PTPRT: variants seen among roughly 807,000 people sequenced by gnomAD.
PTPRT encodes protein tyrosine phosphatase receptor type T.
Under a neutral mutation model 176.8 loss-of-function variants are expected in PTPRT, and 56 were observed. The observed-to-expected ratio is 0.32, with a 90% CI of 0.26 to 0.40. PTPRT has a LOEUF of 0.40. Among genes scored for constraint, PTPRT ranks in the 10% least tolerant of loss-of-function variants. The pLI, the probability that PTPRT is intolerant of heterozygous loss-of-function variation, is 1.00. For synonymous variants in PTPRT, 783 were observed against 739.0 expected (o/e 1.06, Z -0.96); for missense variants, 1,540 against 1,908.2 (o/e 0.81, Z 3.60).
chr20:43,071,282 T>C (rs1273823096), intron 1 of PTPRT, among the ~76,000 whole-genome samples: 2 of 152,112 alleles, frequency 1.3e-5, no homozygotes, highest in Non-Finnish European at 2.9e-5. Flanking sequence ...CTGGGGCTCG[T>C]TAGATATGCA....
At chr20:42,922,622 A>G (rs1256072413) in intron 1 of PTPRT, among the ~76,000 whole-genome samples, 4 of 152,064 alleles carry the variant, frequency 2.6e-5, no homozygotes, top group Admixed American at 2.0e-4. Context: ...CACCACTAAC[A>G]GTTACTTCAT....
intron 1 of PTPRT, among the ~76,000 whole-genome samples, chr20:43,078,437 T>G (rs944928562): frequency 3.3e-5 from 5 of 152,172 alleles, no homozygotes; most frequent in Admixed American, 1.3e-4. Flanking sequence ...TTTTTTTCTC[T>G]AATATTTCTC....
intron 16 of PTPRT, among the ~76,000 whole-genome samples, chr20:42,177,003 TG>T (rs1406142766): frequency 2.0e-5 from 3 of 152,234 alleles, no homozygotes; most frequent in Non-Finnish European, 4.4e-5. Context: ...GAACACAGTT[TG>T]GGAGTTACAA....
Position 42,870,536 on chromosome 20 carries a change from G to T in PTPRT, c.214+15271C>A, listed in dbSNP as rs186741958. On this transcript the variant is annotated intron_variant, in intron 2 of 30. Coordinates refer to ENST00000373187, the MANE Select transcript of PTPRT (RefSeq NM_007050.6). ...ATATACTGTCACGTGCAGCATAATG[G>T]TGTTTCCGTCAATGACGGACTGCAC... 1.6e-4 allele frequency among the ~76,000 whole-genome samples: 24 copies of T among 152,302 alleles called. No individual in the cohort carries two copies. In the East Asian group the frequency reaches 4.6e-3, roughly 29 times the overall value.
chr20:42,675,328 C>T (rs942559001), intron 7 of PTPRT, among the ~76,000 whole-genome samples: 2 of 152,314 alleles, frequency 1.3e-5, no homozygotes, highest in Middle Eastern at 3.4e-3. Context: ...GAATATTTGC[C>T]TATACCTAAT....
At chr20:42,596,120 G>C (rs1282726116) in intron 7 of PTPRT, among the ~76,000 whole-genome samples, 1 of 152,092 alleles carries the variant, frequency 6.6e-6, no homozygotes, top group Non-Finnish European at 1.5e-5. Context: ...CAGACTTCTT[G>C]GTCTCAGGGG....
intron 6 of PTPRT, among the ~76,000 whole-genome samples, chr20:42,731,732 A>G (rs1356016570): frequency 6.6e-6 from 1 of 152,160 alleles, no homozygotes; most frequent in East Asian, 1.9e-4. Context: ...TAAGGTCTTA[A>G]GTGATTTGAT....
rs1021060768 is a variant in PTPRT, at chr20:42,248,571, G to T, written c.2312+116C>A. The T allele has an allele frequency of 3.7e-6, 5 of 1,344,758 alleles. No homozygotes were observed. In the African/African-American group the frequency reaches 4.3e-5, roughly 12 times the overall value. The allele number at this position is 1,344,758 out of a possible 1,614,324, so 83.3% of individuals were successfully genotyped here. A position where few individuals can be genotyped will look rare whatever the true frequency, so the allele number is the denominator to read the frequency against. On this transcript the variant is annotated intron_variant, in intron 14 of 30. Coordinates refer to ENST00000373187, the MANE Select transcript of PTPRT (RefSeq NM_007050.6). ...GGCCCATGTATTTCCGGACCTCAATGGTTATAACAGAAGATCCCTGCTGGA... is the reference window on the plus strand; with the variant it reads ...GGCCCATGTATTTCCGGACCTCAATTGTTATAACAGAAGATCCCTGCTGGA...
At chr20:42,120,271 A>G (rs1157908856) in intron 19 of PTPRT, among the ~76,000 whole-genome samples, 1 of 152,166 alleles carries the variant, frequency 6.6e-6, no homozygotes, top group African/African-American at 2.4e-5. Context: ...GCACCCAAAA[A>G]CAGGTAGAGA....
chr20:42,597,408 TC>T (rs1231390404), intron 7 of PTPRT, among the ~76,000 whole-genome samples: 1 of 152,142 alleles, frequency 6.6e-6, no homozygotes, highest in East Asian at 1.9e-4. Context: ...TGGATCTGTG[TC>T]CCCGCCCAAA....
intron 1 of PTPRT, among the ~76,000 whole-genome samples, chr20:43,042,292 C>T (rs1362496351): frequency 1.5e-4 from 23 of 152,282 alleles, no homozygotes; most frequent in Non-Finnish European, 2.9e-5. Flanking sequence ...AGAGGCTCTG[C>T]AAAGCCTGTA....
chr20:42,852,120 T>C (rs2078483215), intron 2 of PTPRT, among the ~76,000 whole-genome samples: 1 of 152,216 alleles, frequency 6.6e-6, no homozygotes, highest in Non-Finnish European at 1.5e-5. Flanking sequence ...TCCCTTCTAT[T>C]AAGGGACAAA....
chr20:42,277,280 T>C (rs965878198), intron 13 of PTPRT, among the ~76,000 whole-genome samples: 3 of 152,192 alleles, frequency 2.0e-5, no homozygotes, highest in Non-Finnish European at 4.4e-5. Context: ...AATGGCTTTA[T>C]GGGTTTCTGG....
At chr20:42,758,599 T>G (rs542445490) in intron 5 of PTPRT, among the ~76,000 whole-genome samples, 1 of 152,230 alleles carries the variant, frequency 6.6e-6, no homozygotes, top group African/African-American at 2.4e-5. Flanking sequence ...ACGTATTTGC[T>G]TTATACTTGA....
chr20:42,364,222 G>A (rs749914953), intron 9 of PTPRT, among the ~76,000 whole-genome samples: 11 of 152,142 alleles, frequency 7.2e-5, no homozygotes, highest in East Asian at 5.8e-4. Context: ...GAAATCCATC[G>A]ATCACGTAAT....
intron 9 of PTPRT, among the ~76,000 whole-genome samples, chr20:42,415,257 C>T (rs777678564): frequency 3.3e-5 from 5 of 152,200 alleles, no homozygotes; most frequent in African/African-American, 4.8e-5. Context: ...TTATGGCTCA[C>T]TGTAACCTTG....
At chr20:42,219,000 C>A (rs1392126151) in intron 15 of PTPRT, among the ~76,000 whole-genome samples, 1 of 152,114 alleles carries the variant, frequency 6.6e-6, no homozygotes, top group Non-Finnish European at 1.5e-5. Flanking sequence ...CTTTATGCAA[C>A]GTGAGGTGCT....
chr20:42,411,517 C>CAAAAAAAAAAA (rs10591184), intron 9 of PTPRT, among the ~76,000 whole-genome samples: 8 of 88,328 alleles, frequency 9.1e-5, no homozygotes, highest in Admixed American at 1.3e-4. Context: ...AACCCTGTCT[C>CAAAAAAAAAAA]AAAAAAAAAA....
intron 1 of PTPRT, among the ~76,000 whole-genome samples, chr20:43,180,749 C>T (rs1430361011): frequency 1.3e-5 from 2 of 152,062 alleles, no homozygotes; most frequent in African/African-American, 4.8e-5. Flanking sequence ...AAGCGTGAGC[C>T]ACCACCCCCA....
Sources: allele counts gnomAD v4.1 joint callset (sites outside exome capture counted in the v4.1 genomes callset), GRCh38; gene constraint gnomAD v4.1.1; transcripts MANE v1.5; gene names NCBI Gene and HGNC (gene_info 2026-07-23, HGNC 2026-07-21).